Variants in PARD3B observed in about 807,000 individuals in gnomAD.
The protein encoded by PARD3B is partitioning defective 3 homolog B.
A neutral mutation model predicts 130.2 loss-of-function variants in PARD3B; 103 were observed. The observed-to-expected ratio is 0.79, with a 90% CI of 0.67 to 0.93. The LOEUF is 0.93. PARD3B is among the 40% of genes least tolerant of loss of function. PARD3B has a pLI of 0.00. For missense variants in PARD3B, 1,609 were observed against 1,499.2 expected, an observed-to-expected ratio of 1.07 and a Z score of -1.21; for synonymous variants, 583 against 553.2, an observed-to-expected ratio of 1.05 and a Z score of -0.76.
intron 1 of PARD3B, among the ~76,000 whole-genome samples, chr2:204,585,215 G>A (rs942547674): frequency 3.3e-5 from 5 of 152,196 alleles, no homozygotes; most frequent in African/African-American, 1.2e-4. Context: ...GTTTCCTTCA[G>A]GACAATGGAG....
At chr2:205,059,831 G>A (rs1038786790) in intron 4 of PARD3B, among the ~76,000 whole-genome samples, 5 of 152,118 alleles carry the variant, frequency 3.3e-5, no homozygotes, top group South Asian at 2.1e-4. Context: ...GAGTAGCCAC[G>A]TAATACTACC....
intron 2 of PARD3B, among the ~76,000 whole-genome samples, chr2:204,787,733 A>C (rs1318198428): frequency 1.3e-5 from 2 of 152,184 alleles, no homozygotes; most frequent in Non-Finnish European, 2.9e-5. Context: ...ATATACTGTA[A>C]ATTTATCAGC....
In PARD3B at chr2:205,339,081, A is replaced by C. The variant is rs891002849; in HGVS notation, c.2630+37380A>C. Reference sequence around the variant, plus strand: ...AGTTTACTGAATATCATTTTGTTTCAAGTTGTTTCACTGAAATAATCAAAC... The same window carrying C: ...AGTTTACTGAATATCATTTTGTTTCCAGTTGTTTCACTGAAATAATCAAAC... On this transcript the variant is annotated intron_variant, in intron 18 of 22. Transcript: ENST00000406610. Among the ~76,000 whole-genome samples the C allele has an allele frequency of 2.6e-5, 4 of 152,272 alleles. No homozygotes were observed. In the East Asian group the frequency reaches 7.7e-4, roughly 29 times the overall value.
chr2:205,206,681 G>A (rs1421556848), intron 15 of PARD3B, among the ~76,000 whole-genome samples: 2 of 151,906 alleles, frequency 1.3e-5, no homozygotes, highest in East Asian at 3.9e-4. Context: ...AAACATACGT[G>A]TGCATGTGTC....
chr2:205,235,923 A>G lies in PARD3B; in HGVS notation c.2141-9855A>G, dbSNP rs147721711. The stretch of plus-strand genomic sequence containing the variant: ...AAAATTTGGTAAAGTCATAGAAACC[A>G]AATGCCAGTTTTCTTATAAAGTCAA... On this transcript the variant is annotated intron_variant, in intron 15 of 22. Transcript: ENST00000406610. Among the ~76,000 whole-genome samples the G allele has an allele frequency of 5.0e-4, 76 of 152,316 alleles. 2 individuals carry two copies. The highest frequency in any genetic ancestry group is 5.0e-3 in the Admixed American group (76 of 15,310).
chr2:205,172,689 A>T (rs951256540), intron 12 of PARD3B, among the ~76,000 whole-genome samples: 6 of 152,202 alleles, frequency 3.9e-5, no homozygotes, highest in Admixed American at 3.9e-4. Context: ...AGCAGTGTCC[A>T]TACCTTAGAA....
intron 2 of PARD3B, among the ~76,000 whole-genome samples, chr2:204,792,687 T>C (rs952917609): frequency 2.0e-5 from 3 of 152,084 alleles, no homozygotes; most frequent in African/African-American, 7.2e-5. Flanking sequence ...ACTTCAAATA[T>C]TGTACCTAAA....
chr2:205,495,774 G>A (rs765423837), intron 20 of PARD3B, among the ~76,000 whole-genome samples: 2 of 152,186 alleles, frequency 1.3e-5, no homozygotes, highest in African/African-American at 2.4e-5. Context: ...AGCCATAGTG[G>A]AAGAGCAGTC....
intron 22 of PARD3B, among the ~76,000 whole-genome samples, chr2:205,593,315 G>C (rs1575442075): frequency 6.6e-6 from 1 of 152,140 alleles, no homozygotes; most frequent in African/African-American, 2.4e-5. Flanking sequence ...TGTTTAAATG[G>C]TGGTGATGAA....
chr2:205,550,366 C>T lies in PARD3B; in HGVS notation c.3181-2958C>T, dbSNP rs564816583. 1.6e-4 allele frequency among the ~76,000 whole-genome samples: 24 copies of T among 152,240 alleles called. No individual in the cohort carries two copies. In the South Asian group the frequency reaches 4.6e-3, roughly 29 times the overall value. ...GCAGGCCTGTTTCCATGAGGAGACC[C>T]GCTGGATTTCTTCATTGCTTTGAAT... is the stretch of plus-strand genomic sequence containing the variant. On this transcript the variant is annotated intron_variant, in intron 21 of 22. Transcript: ENST00000406610. This position sits in a 1 kb window ranked among gnomAD's most constrained non-coding sequence, Gnocchi z 4.5.
intron 18 of PARD3B, among the ~76,000 whole-genome samples, chr2:205,391,114 AAACGGGC>A (rs2045843855): frequency 6.6e-6 from 1 of 152,254 alleles, no homozygotes; most frequent in South Asian, 2.1e-4. Context: ...AGGGCAAGTC[AAACGGGC>A]AACCTCCCAC....
chr2:205,479,927 G>T (rs2049166909), intron 20 of PARD3B, among the ~76,000 whole-genome samples: 1 of 139,962 alleles, frequency 7.1e-6, no homozygotes, highest in African/African-American at 2.7e-5. Context: ...TTTTGAGATG[G>T]AGTCTTGCTC....
chr2:204,930,601 C>T lies in PARD3B; in HGVS notation c.223-34551C>T, dbSNP rs148895636. On this transcript the variant is annotated intron_variant, in intron 2 of 22. Coordinates refer to ENST00000406610, the MANE Select transcript of PARD3B (RefSeq NM_001302769.2). ...AATAACCCTAACTTCAGACCTGTTA[C>T]TTACTGGCTCTGTGTCTGGTTAAAT... 2.0e-5 allele frequency among the ~76,000 whole-genome samples: 3 copies of T among 152,158 alleles called. No individual in the cohort carries two copies. In the East Asian group the frequency reaches 5.8e-4, roughly 29 times the overall value.
intron 2 of PARD3B, among the ~76,000 whole-genome samples, chr2:204,816,516 A>G (rs1320422315): frequency 6.6e-6 from 1 of 151,954 alleles, no homozygotes; most frequent in Non-Finnish European, 1.5e-5. Context: ...GGTTGGATAT[A>G]GAATTACAGG....
At chr2:205,333,096 G>T (rs2043193689) in intron 18 of PARD3B, among the ~76,000 whole-genome samples, 1 of 152,124 alleles carries the variant, frequency 6.6e-6, no homozygotes, top group African/African-American at 2.4e-5. Flanking sequence ...ACTTAGTAGA[G>T]GGGTTTTATG....
Position 204,864,358 on chromosome 2 carries a change from CCTA to C in PARD3B, c.223-100790_223-100788del, listed in dbSNP as rs544445772. 4.6e-5 allele frequency among the ~76,000 whole-genome samples: 7 copies of C among 152,214 alleles called. No homozygotes were observed. The South Asian group carries it at 1.4e-3, about 32-fold the overall frequency. ...CTTGAAAAGCCCCAAATGATCTGGC[CCTA>C]CTATCTTCTCTAATTCAGCATGAAG... On this transcript the variant is annotated intron_variant, in intron 2 of 22. Coordinates refer to ENST00000406610, the MANE Select transcript of PARD3B (RefSeq NM_001302769.2).
chr2:204,748,786 T>C (rs2040348026), intron 2 of PARD3B, among the ~76,000 whole-genome samples: 2 of 152,148 alleles, frequency 1.3e-5, no homozygotes, highest in Non-Finnish European at 2.9e-5. Context: ...TAAAATGAAA[T>C]TGGATAATAA....
rs117156439 is a variant in PARD3B, at chr2:204,959,101, G to A, written c.223-6051G>A. On this transcript the variant is annotated intron_variant, in intron 2 of 22. Transcript: ENST00000406610. The stretch of plus-strand genomic sequence containing the variant: ...GCTTTTACCTCTGCATGCATTAGGT[G>A]TTTGTCGTGATGCTCTCCCTCCCCT... Among the ~76,000 whole-genome samples the A allele has an allele frequency of 1.3e-4, 20 of 152,060 alleles. No homozygotes were observed. In the East Asian group the frequency reaches 3.7e-3, roughly 28 times the overall value.
intron 18 of PARD3B, among the ~76,000 whole-genome samples, chr2:205,335,774 A>C (rs562626452): frequency 6.6e-6 from 1 of 152,294 alleles, no homozygotes; most frequent in South Asian, 2.1e-4. Context: ...GAGCTTGTGC[A>C]GGGAAACTCC....
Sources: gnomAD v4.1 joint callset for allele counts (sites outside exome capture counted in the v4.1 genomes callset) on GRCh38, gnomAD v4.1.1 for gene constraint, Gnocchi (gnomAD v3.1) non-coding constraint, MANE v1.5 for transcripts, NCBI Gene and HGNC (gene_info 2026-07-23, HGNC 2026-07-21) for gene names.